Variants in METTL27 observed in about 807,000 individuals in gnomAD.
The protein encoded by METTL27 is methyltransferase-like protein 27.
A neutral mutation model predicts 24.5 loss-of-function variants in METTL27; 29 were observed. The observed-to-expected ratio is 1.18, with a 90% CI of 0.88 to 1.61. The LOEUF (loss-of-function observed/expected upper bound fraction) is 1.61, where lower values mean the gene tolerates loss of function less well. Ranked by LOEUF, METTL27 falls within the 40% of genes most tolerant of loss-of-function variation. METTL27 has a pLI of 0.00. For synonymous variants in METTL27, 138 were observed against 146.8 expected, an observed-to-expected ratio of 0.94 and a Z score of 0.43; for missense variants, 341 against 324.3, an observed-to-expected ratio of 1.05 and a Z score of -0.40.
chr7:73,840,140 GGTGGGGACATGGT>G lies in METTL27; in HGVS notation c.389-33_389-21del. The G allele has an allele frequency of 7.0e-7, 1 of 1,437,884 alleles. No individual in the cohort carries two copies. Among genetic ancestry groups the G allele is most frequent in the Non-Finnish European group, 9.6e-7 (1 of 1,041,800 alleles). The allele number at this position is 1,437,884 out of a possible 1,614,324, so 89.1% of individuals were successfully genotyped here. A position where few individuals can be genotyped will look rare whatever the true frequency, so the allele number is the denominator to read the frequency against. On this transcript the variant is annotated intron_variant, in intron 4 of 5. Coordinates refer to ENST00000297873, the MANE Select transcript of METTL27 (RefSeq NM_152559.3). ...AGGTCCCTGTGTGTGTGTGGGGGGG[GGTGGGGACATGGT>G]GTGATGCTTGGAAGGTACTTTGTCT...
Position 73,842,091 on chromosome 7 carries a change from C to A in METTL27, c.50G>T (p.Arg17Met). ...CAGGTCGGGGATGCCATGCGCGGCC[C>A]TGACCCGCGCCCGCACCTCGGGCAG... The part of the protein sequence containing the change: ...GSLPEVRARV[R>M]AAHGIPDLAQ... The change falls in exon 2 of 6, where the codon AGG (arginine) becomes ATG (methionine). Residue 17 changes from arginine (R) to methionine (M), a missense_variant. Coordinates refer to ENST00000297873, the MANE Select transcript of METTL27 (RefSeq NM_152559.3). 6.2e-7 allele frequency: 1 copy of A among 1,613,812 alleles called. No individual in the cohort carries two copies. Among genetic ancestry groups the A allele is most frequent in the South Asian group, 1.1e-5 (1 of 91,078 alleles).
At chr7:73,841,342 G>A (rs900011850) in intron 2 of METTL27, 144 bp from the exon 3 acceptor site, 10 of 1,248,140 alleles carry the variant, frequency 8.0e-6, no homozygotes, top group Admixed American at 3.8e-5. Flanking sequence ...GGACGCCCAG[G>A]CATGAGGTGC....
At chr7:73,839,189 AG>A (rs782736628) in intron 5 of METTL27, among the ~76,000 whole-genome samples, 1 of 152,226 alleles carries the variant, frequency 6.6e-6, no homozygotes, top group Non-Finnish European at 1.5e-5. Context: ...AGCCTGAGGC[AG>A]GAGAATCTCT....
chr7:73,840,219 A>T, intron 4 of METTL27, 99 bp from the exon 5 acceptor site: 5 of 1,465,540 alleles, frequency 3.4e-6, no homozygotes, highest in Non-Finnish European at 4.6e-6. Context: ...GGACGAGGCT[A>T]CTACCCGCAT....
chr7:73,839,386 G>C (rs998004883), intron 5 of METTL27, among the ~76,000 whole-genome samples: 1 of 152,196 alleles, frequency 6.6e-6, no homozygotes, highest in African/African-American at 2.4e-5. Flanking sequence ...CTGGGCCCCA[G>C]TGGGTTGGAG....
At chr7:73,842,196 C>A (rs1788386280) in intron 1 of METTL27, 52 bp from the exon 2 acceptor site, 3 of 1,557,802 alleles carry the variant, frequency 1.9e-6, no homozygotes, top group Admixed American at 3.9e-5. Flanking sequence ...CGCCCATCCC[C>A]TCCTTTCCCC....
chr7:73,835,980 CCGCCCCGTCTGGGAAGTGAGG>C (rs1788171693), intron 5 of METTL27, among the ~76,000 whole-genome samples: 1 of 133,494 alleles, frequency 7.5e-6, no homozygotes. Context: ...CGCCTGGCAG[CCGCCCCGTCTGGGAAGTGAGG>C]AGCCCCTCCG....
At chr7:73,841,269 T>C in intron 2 of METTL27, 71 bp from the exon 3 acceptor site, 1 of 1,513,458 alleles carries the variant, frequency 6.6e-7, no homozygotes, top group South Asian at 1.3e-5. Context: ...TGGGGTGGTC[T>C]CAGAGTCTGC....
In METTL27 at chr7:73,840,130, TGTGGG is replaced by T; in HGVS notation, c.389-15_389-11del. On this transcript the variant is annotated splice_polypyrimidine_tract_variant and intron_variant, in intron 4 of 5. Coordinates refer to ENST00000297873, the MANE Select transcript of METTL27 (RefSeq NM_152559.3). The stretch of plus-strand genomic sequence containing the variant: ...ACCGCGTCGAAGGTCCCTGTGTGTG[TGTGGG>T]GGGGGGTGGGGACATGGTGTGATGC... 9.5e-7 allele frequency: 1 copy of T among 1,048,104 alleles called. No individual in the cohort carries two copies. Among genetic ancestry groups the T allele is most frequent in the Non-Finnish European group, 1.3e-6 (1 of 793,064 alleles). 64.9% of individuals were successfully genotyped at this position (1,048,104 alleles called of 1,614,324 possible). A position where few individuals can be genotyped will look rare whatever the true frequency, so the allele number is the denominator to read the frequency against.
At chr7:73,840,253 G>GT in intron 4 of METTL27, 133 bp from the exon 5 acceptor site, 2 of 1,455,652 alleles carry the variant, frequency 1.4e-6, no homozygotes, top group Non-Finnish European at 1.8e-6. Flanking sequence ...GTCCCCTAGA[G>GT]GATAAGGTAA....
chr7:73,840,171 C>T (rs2130556683), intron 4 of METTL27, 51 bp from the exon 5 acceptor site: 1 of 1,563,700 alleles, frequency 6.4e-7, no homozygotes, highest in East Asian at 2.3e-5. Context: ...TTGGAAGGTA[C>T]TTTGTCTATG....
At chr7:73,836,266 A>G (rs71539226) in intron 5 of METTL27, among the ~76,000 whole-genome samples, 49,821 of 98,160 alleles carry the variant, frequency 0.51, 8,485 homozygotes, top group Non-Finnish European at 0.57. Context: ...CGCCCCGTCC[A>G]GGAGGGAGGT....
chr7:73,837,326 AT>A (rs1460139583), intron 5 of METTL27, among the ~76,000 whole-genome samples: 5 of 145,698 alleles, frequency 3.4e-5, no homozygotes, highest in Non-Finnish European at 6.0e-5. Context: ...ATAAAAAAAA[AT>A]AAAAAGTCAA....
chr7:73,836,827 T>C (rs1359360522), intron 5 of METTL27, among the ~76,000 whole-genome samples: 2 of 90,052 alleles, frequency 2.2e-5, no homozygotes, highest in African/African-American at 7.1e-5. Context: ...AATGGCGGCT[T>C]TGTGGAATAG....
chr7:73,834,947 C>T lies in METTL27; in HGVS notation c.534G>A (p.Glu178=), dbSNP rs782277622. Residue 178 remains glutamate, a synonymous_variant, in exon 6 of 6, where the codon GAG becomes GAA. Transcript: ENST00000297873. ...RTNSSNLQYK[E]ALEATLDRLE... Reference sequence around the variant, plus strand: ...GCCTGTCCAGGGTGGCCTCCAGAGCCTCCTTGTATTGAAGGTTGGACGAGT... The same window carrying T: ...GCCTGTCCAGGGTGGCCTCCAGAGCTTCCTTGTATTGAAGGTTGGACGAGT... 1.9e-5 allele frequency: 30 copies of T among 1,613,924 alleles called. No homozygotes were observed. The East Asian group carries it at 6.7e-4, about 36-fold the overall frequency.
At position 73,836,783 on chromosome 7, in the gene METTL27, G is replaced by A. The variant is rs377729157; in HGVS notation, c.479-1781C>T. On this transcript the variant is annotated intron_variant, in intron 5 of 5. Transcript: ENST00000297873. ...GGCCACCACCCCGTCTGGGAGGTGT[G>A]CCCAACAGCTCATTGAGAACGAGCC... 2.4e-5 allele frequency among the ~76,000 whole-genome samples: 2 copies of A among 82,096 alleles called. 1 individual carries two copies. Among genetic ancestry groups the A allele is most frequent in the African/African-American group, 7.2e-5 (2 of 27,724 alleles). 53.9% of individuals were successfully genotyped at this position (82,096 alleles called of 152,430 possible). A position where few individuals can be genotyped will look rare whatever the true frequency, so the allele number is the denominator to read the frequency against.
intron 2 of METTL27, among the ~76,000 whole-genome samples, chr7:73,841,547 A>T (rs1338267074): frequency 6.8e-6 from 1 of 147,184 alleles, no homozygotes; most frequent in Non-Finnish European, 1.5e-5. Flanking sequence ...ATCTTGGCTC[A>T]CTGCAACCTC....
chr7:73,840,140 GGT>G lies in METTL27; in HGVS notation c.389-22_389-21del. The G allele has an allele frequency of 7.0e-7, 1 of 1,437,878 alleles. No individual in the cohort carries two copies. Among genetic ancestry groups the G allele is most frequent in the Non-Finnish European group, 9.6e-7 (1 of 1,041,794 alleles). 89.1% of individuals were successfully genotyped at this position (1,437,878 alleles called of 1,614,324 possible). A position where few individuals can be genotyped will look rare whatever the true frequency, so the allele number is the denominator to read the frequency against. On this transcript the variant is annotated intron_variant, in intron 4 of 5. Coordinates refer to ENST00000297873, the MANE Select transcript of METTL27 (RefSeq NM_152559.3). ...AGGTCCCTGTGTGTGTGTGGGGGGG[GGT>G]GGGGACATGGTGTGATGCTTGGAAG... is the stretch of plus-strand genomic sequence containing the variant.
intron 5 of METTL27, among the ~76,000 whole-genome samples, chr7:73,838,241 G>A (rs1282245620): frequency 7.9e-5 from 12 of 152,192 alleles, no homozygotes; most frequent in African/African-American, 2.9e-4. Context: ...GGATGTGACT[G>A]TGTCTGAATG....
Sources: allele counts gnomAD v4.1 joint callset (sites outside exome capture counted in the v4.1 genomes callset), GRCh38; gene constraint gnomAD v4.1.1; transcripts MANE v1.5; gene names NCBI Gene and HGNC (gene_info 2026-07-23, HGNC 2026-07-21).